Variants in RASGEF1C observed in about 807,000 individuals in gnomAD.
The protein encoded by RASGEF1C is ras-GEF domain-containing family member 1C.
Under a neutral mutation model 58.1 loss-of-function variants are expected in RASGEF1C, and 27 were observed. The observed-to-expected ratio is 0.46, with a 90% confidence interval of 0.34 to 0.64. The LOEUF is 0.64. Ranked by LOEUF, RASGEF1C falls within the 30% of genes least tolerant of loss-of-function variation. The pLI, the probability that RASGEF1C is intolerant of heterozygous loss-of-function variation, is 0.01. For synonymous variants in RASGEF1C, 243 were observed against 246.3 expected, an observed-to-expected ratio of 0.99 and a Z score of 0.13; for missense variants, 502 against 605.1, an observed-to-expected ratio of 0.83 and a Z score of 1.79.
intron 4 of RASGEF1C, among the ~76,000 whole-genome samples, chr5:180,134,332 C>A (rs1036885833): frequency 6.6e-6 from 1 of 152,006 alleles, no homozygotes; most frequent in Non-Finnish European, 1.5e-5. Flanking sequence ...CAGACCTGTG[C>A]GTTCTCCAGG....
At position 180,155,455 on chromosome 5, in the gene RASGEF1C, G is replaced by GCCAGGT. The variant is rs759410286; in HGVS notation, c.-6-17398_-6-17397insACCTGG. Among the ~76,000 whole-genome samples the GCCAGGT allele has an allele frequency of 5.3e-5, 8 of 152,134 alleles. No homozygotes were observed. Among genetic ancestry groups the GCCAGGT allele is most frequent in the Non-Finnish European group, 1.0e-4 (7 of 68,018 alleles). ...ATGCACCTGGCCTTGCCTTCAGGAG[G>GCCAGGT]GCAACGCGCTTGGCTGTGAGGGGAG... On this transcript the variant is annotated intron_variant, in intron 1 of 13. Coordinates refer to ENST00000361132, the MANE Select transcript of RASGEF1C (RefSeq NM_175062.4). The surrounding 1 kb of genome is among the most constrained non-coding windows in gnomAD (Gnocchi z 5.2).
At chr5:180,104,648 G>C (rs922567092) in intron 12 of RASGEF1C, among the ~76,000 whole-genome samples, 5 of 152,208 alleles carry the variant, frequency 3.3e-5, no homozygotes, top group East Asian at 3.8e-4. Context: ...AGAGATTGTG[G>C]AGAATTGGTG....
At chr5:180,199,436 T>G (rs1756340427) in intron 1 of RASGEF1C, among the ~76,000 whole-genome samples, 1 of 152,078 alleles carries the variant, frequency 6.6e-6, no homozygotes, top group African/African-American at 2.4e-5. Flanking sequence ...AACAAACAAC[T>G]AAACAACTTC....
At chr5:180,207,536 G>A (rs567519345) in intron 1 of RASGEF1C, among the ~76,000 whole-genome samples, 21 of 152,242 alleles carry the variant, frequency 1.4e-4, no homozygotes, top group African/African-American at 4.8e-4. Flanking sequence ...GCCTGAAAAG[G>A]GCCAGGTCCC....
Position 180,209,096 on chromosome 5 carries a change from G to A in RASGEF1C, c.-75C>T, listed in dbSNP as rs1434686755. On this transcript the variant is annotated 5_prime_UTR_variant, in exon 1 of 14. Coordinates refer to ENST00000361132, the MANE Select transcript of RASGEF1C (RefSeq NM_175062.4). ...CTCCCGGTGCGAGCCTCGGCGCCGC[G>A]GACCGGGGCGCCGCCCGCCGCCGCC... 3.6e-5 allele frequency: 5 copies of A among 140,414 alleles called. No individual in the cohort carries two copies. The highest frequency in any genetic ancestry group is 5.3e-5 in the African/African-American group (2 of 38,040). The allele number at this position is 140,414 out of a possible 1,614,324, so 8.7% of individuals were successfully genotyped here. A position where few individuals can be genotyped will look rare whatever the true frequency, so the allele number is the denominator to read the frequency against.
chr5:180,181,036 G>A (rs149291070), intron 1 of RASGEF1C, among the ~76,000 whole-genome samples: 45 of 152,276 alleles, frequency 3.0e-4, no homozygotes, highest in African/African-American at 9.6e-4. Flanking sequence ...AATGCGTCAC[G>A]CCCAGGTGGG....
intron 1 of RASGEF1C, among the ~76,000 whole-genome samples, chr5:180,178,072 T>TTC (rs1395418403): frequency 9.2e-5 from 14 of 151,814 alleles, no homozygotes; most frequent in Admixed American, 7.9e-4. Flanking sequence ...GTTCAAGTGA[T>TTC]TCTCCTGCCT....
intron 11 of RASGEF1C, among the ~76,000 whole-genome samples, chr5:180,113,315 C>T (rs1349550618): frequency 3.6e-5 from 2 of 54,904 alleles, no homozygotes; most frequent in Non-Finnish European, 7.3e-5. Context: ...CGGGGATGGA[C>T]GGAGGGACCG....
chr5:180,197,968 G>A lies in RASGEF1C; in HGVS notation c.-7+11060C>T, dbSNP rs1756310105. On this transcript the variant is annotated intron_variant, in intron 1 of 13. Transcript: ENST00000361132. This position sits in a 1 kb window ranked among gnomAD's most constrained non-coding sequence, Gnocchi z 4.7. ...CAGAAATTCCCCAATTAGGATGCTG[G>A]TGTGGGTCCGGAAGGCATTGAACTG... Among the ~76,000 whole-genome samples the A allele has an allele frequency of 6.6e-6, 1 of 152,254 alleles. No homozygotes were observed. Among genetic ancestry groups the A allele is most frequent in the African/African-American group, 2.4e-5 (1 of 41,476 alleles).
In RASGEF1C at chr5:180,119,436, T is replaced by G. The variant is rs764754645; in HGVS notation, c.817A>C (p.Lys273Gln). 28 of 1,613,944 alleles carry G rather than the reference T, an allele frequency of 1.7e-5. No homozygotes were observed. The highest frequency in any genetic ancestry group is 3.3e-5 in the Admixed American group (2 of 60,006). ...ATEICMPAKK[K>Q]QRAQVIEFFI... The stretch of plus-strand genomic sequence containing the variant: ...AACTCAATCACCTGGGCCCTCTGCT[T>G]CTTCTTGGCTGGCTGGGGACAGGGC... Residue 273 changes from lysine (K) to glutamine (Q), a missense_variant, in exon 8 of 14, where the codon AAG becomes CAG. By Grantham distance (53) the Lys-to-Gln change is moderately conservative (BLOSUM62 1). Transcript: ENST00000361132.
rs369724579 is a variant in RASGEF1C, at chr5:180,159,640, G to T, written c.-6-21582C>A. ...AGATGATGGGGCTGCGGACAAGCTCGCAGTGGGGAGATCTAGGTAGGCCAT... is the reference window on the plus strand; with the variant it reads ...AGATGATGGGGCTGCGGACAAGCTCTCAGTGGGGAGATCTAGGTAGGCCAT... On this transcript the variant is annotated intron_variant, in intron 1 of 13. Transcript: ENST00000361132. Among the ~76,000 whole-genome samples the T allele has an allele frequency of 2.0e-5, 3 of 152,306 alleles. No homozygotes were observed. In the South Asian group the frequency reaches 6.2e-4, roughly 32 times the overall value.
chr5:180,178,430 C>T (rs112286626), intron 1 of RASGEF1C, among the ~76,000 whole-genome samples: 41 of 151,692 alleles, frequency 2.7e-4, no homozygotes, highest in African/African-American at 3.9e-4. Context: ...CAGGCATGTA[C>T]TACCACTCCA....
chr5:180,161,414 G>A (rs531153987), intron 1 of RASGEF1C, among the ~76,000 whole-genome samples: 3 of 152,166 alleles, frequency 2.0e-5, no homozygotes, highest in Admixed American at 6.5e-5. Context: ...GCAGCCCTGC[G>A]GCAGCCCCGG....
At position 180,155,914 on chromosome 5, in the gene RASGEF1C, C is replaced by T. The variant is rs912428583; in HGVS notation, c.-6-17856G>A. ...GTCCTGGCCAAGAGGGCACTGTCCC[C>T]CCCTCACTGCTGAGCAAGCAAGTGA... On this transcript the variant is annotated intron_variant, in intron 1 of 13. Transcript: ENST00000361132. The surrounding 1 kb of genome is among the most constrained non-coding windows in gnomAD (Gnocchi z 5.2). Among the ~76,000 whole-genome samples the T allele has an allele frequency of 1.3e-5, 2 of 152,258 alleles. No homozygotes were observed. Among genetic ancestry groups the T allele is most frequent in the Admixed American group, 1.3e-4 (2 of 15,304 alleles).
intron 1 of RASGEF1C, among the ~76,000 whole-genome samples, chr5:180,176,833 G>A (rs566302456): frequency 3.1e-4 from 47 of 152,322 alleles, no homozygotes; most frequent in Admixed American, 5.2e-4. Context: ...TGGGATTACA[G>A]GCGTGAGCCA....
intron 10 of RASGEF1C, among the ~76,000 whole-genome samples, 200 bp downstream of exon 10, chr5:180,118,409 C>T (rs1160960380): frequency 6.6e-6 from 1 of 152,154 alleles, no homozygotes; most frequent in Non-Finnish European, 1.5e-5. Context: ...GAAGCACTTC[C>T]TGTCAGTCAG....
At chr5:180,132,564 G>T (rs1163864527) in intron 4 of RASGEF1C, among the ~76,000 whole-genome samples, 1 of 152,238 alleles carries the variant, frequency 6.6e-6, no homozygotes, top group African/African-American at 2.4e-5. Context: ...GCTCCTAGGG[G>T]TCTGCTCCCT....
chr5:180,102,223 T>C (rs1765799876), intron 12 of RASGEF1C, 80 bp from the exon 13 acceptor site: 1 of 838,668 alleles, frequency 1.2e-6, no homozygotes, highest in Non-Finnish European at 2.0e-6. Flanking sequence ...TCTGCGTGGG[T>C]CTCTTTCTGG....
At chr5:180,141,721 T>TCC (rs1766583167) in intron 1 of RASGEF1C, among the ~76,000 whole-genome samples, 1 of 128,450 alleles carries the variant, frequency 7.8e-6, no homozygotes, top group Non-Finnish European at 1.6e-5. Context: ...TTATCACACT[T>TCC]TTTTTTTTTT....
Sources: gnomAD v4.1 joint callset for allele counts (sites outside exome capture counted in the v4.1 genomes callset) on GRCh38, gnomAD v4.1.1 for gene constraint, Gnocchi (gnomAD v3.1) non-coding constraint, MANE v1.5 for transcripts, NCBI Gene and HGNC (gene_info 2026-07-23, HGNC 2026-07-21) for gene names.